The following KCNIP4 variants were observed in gnomAD, a reference collection of about 807,000 sequenced individuals.
KCNIP4 encodes the protein potassium voltage-gated channel interacting protein 4.
KCNIP4 carries 12 observed loss-of-function variants against 34.0 expected under a neutral mutation model. That is an observed-to-expected ratio of 0.35 (90% confidence interval 0.23 to 0.57). The LOEUF is 0.57. Among genes scored for constraint, KCNIP4 ranks in the 20% least tolerant of loss-of-function variants. The pLI is 0.83. For missense variants in KCNIP4, 238 were observed against 311.7 expected (o/e 0.76, Z 1.78); for synonymous variants, 124 against 102.2 (o/e 1.21, Z -1.29).
chr4:21,724,678 C>A (rs1304295168), intron 1 of KCNIP4, among the ~76,000 whole-genome samples: 1 of 151,820 alleles, frequency 6.6e-6, no homozygotes, highest in African/African-American at 2.4e-5. Flanking sequence ...TTGGATTTCA[C>A]ATATAATTTT....
chr4:21,540,414 T>C lies in KCNIP4; in HGVS notation c.61+408157A>G, dbSNP rs545417775. Among the ~76,000 whole-genome samples the C allele has an allele frequency of 1.3e-4, 20 of 152,218 alleles. 1 individual carries two copies. Among genetic ancestry groups the C allele is most frequent in the African/African-American group, 4.8e-4 (20 of 41,544 alleles). ...TTCTAACAGTGAGCCACAGCTAAAA[T>C]TGTGAGCATGGGTACTTCAGCATGA... On this transcript the variant is annotated intron_variant, in intron 1 of 8. Coordinates refer to ENST00000382152, the MANE Select transcript of KCNIP4 (RefSeq NM_025221.6).
intron 1 of KCNIP4, among the ~76,000 whole-genome samples, chr4:21,389,269 C>G (rs1259697529): frequency 6.6e-6 from 1 of 152,048 alleles, no homozygotes. Context: ...GTGTGAGCCA[C>G]TGCACCCAGC....
intron 1 of KCNIP4, among the ~76,000 whole-genome samples, chr4:21,121,341 T>C (rs1560741010): frequency 6.6e-6 from 1 of 152,232 alleles, no homozygotes; most frequent in Non-Finnish European, 1.5e-5. Flanking sequence ...TATTAAATCC[T>C]GGTTTTCTTG....
At chr4:21,462,765 TTGTGTGTGTG>T (rs57124779) in intron 1 of KCNIP4, among the ~76,000 whole-genome samples, 14,771 of 145,702 alleles carry the variant, frequency 0.1, 815 homozygotes, top group African/African-American at 0.14. Context: ...TAGTATTCCA[TTGTGTGTGTG>T]TGTGTGTGTG....
chr4:20,864,073 T>C (rs111653207), intron 2 of KCNIP4, among the ~76,000 whole-genome samples: 5,463 of 137,368 alleles, frequency 0.04, 268 homozygotes, highest in Non-Finnish European at 0.06. Flanking sequence ...TATGTATACG[T>C]ATGTATGTAT....
chr4:20,803,727 G>GAGAGGA (rs1553898990), intron 3 of KCNIP4, among the ~76,000 whole-genome samples: 97 of 91,474 alleles, frequency 1.1e-3, no homozygotes, highest in African/African-American at 3.1e-3. Context: ...GAGAGAGAGA[G>GAGAGGA]AGGAAGGAAG....
At chr4:20,997,209 C>A (rs1737634552) in intron 1 of KCNIP4, among the ~76,000 whole-genome samples, 1 of 152,036 alleles carries the variant, frequency 6.6e-6, no homozygotes, top group African/African-American at 2.4e-5. Context: ...ATAAAAGCAA[C>A]CACAACCATG....
chr4:21,483,549 G>A (rs960245348), intron 1 of KCNIP4, among the ~76,000 whole-genome samples: 1 of 152,036 alleles, frequency 6.6e-6, no homozygotes, highest in East Asian at 1.9e-4. Context: ...CAGCACTTTG[G>A]GAGGCTGAAG....
chr4:21,677,618 A>G (rs897069980), intron 1 of KCNIP4, among the ~76,000 whole-genome samples: 1 of 152,146 alleles, frequency 6.6e-6, no homozygotes, highest in African/African-American at 2.4e-5. Flanking sequence ...TATGCATGCC[A>G]ATGCCATGAC....
At chr4:20,935,157 C>T (rs1372022769) in intron 1 of KCNIP4, among the ~76,000 whole-genome samples, 1 of 152,062 alleles carries the variant, frequency 6.6e-6, no homozygotes, top group Non-Finnish European at 1.5e-5. Context: ...GACTCTATTT[C>T]CAAAAAAGGT....
intron 3 of KCNIP4, among the ~76,000 whole-genome samples, chr4:20,831,195 T>C (rs1429013542): frequency 7.2e-6 from 1 of 138,654 alleles, no homozygotes; most frequent in African/African-American, 2.7e-5. Context: ...CTAGCACATA[T>C]AATCATCTGT....
intron 1 of KCNIP4, among the ~76,000 whole-genome samples, chr4:21,673,356 G>A (rs993960880): frequency 1.3e-5 from 2 of 152,046 alleles, no homozygotes; most frequent in Non-Finnish European, 2.9e-5. Flanking sequence ...AGTTGATCAG[G>A]ATATACTGTC....
chr4:21,476,110 C>A (rs1478426219), intron 1 of KCNIP4, among the ~76,000 whole-genome samples: 1 of 152,136 alleles, frequency 6.6e-6, no homozygotes, highest in African/African-American at 2.4e-5. Flanking sequence ...AGCTCAGAAG[C>A]AAAAGGAAGG....
intron 1 of KCNIP4, among the ~76,000 whole-genome samples, chr4:21,151,475 C>T (rs1752756963): frequency 7.9e-6 from 1 of 127,278 alleles, no homozygotes; most frequent in African/African-American, 3.1e-5. Context: ...TGAGTGCTAG[C>T]ATGGGTGAGA....
intron 1 of KCNIP4, among the ~76,000 whole-genome samples, chr4:21,362,624 C>T (rs1002408342): frequency 6.6e-6 from 1 of 152,092 alleles, no homozygotes; most frequent in Non-Finnish European, 1.5e-5. Context: ...AACTCCCCTT[C>T]CCAAAGTAAA....
At chr4:21,400,938 A>G (rs1192210143) in intron 1 of KCNIP4, among the ~76,000 whole-genome samples, 1 of 152,054 alleles carries the variant, frequency 6.6e-6, no homozygotes, top group Non-Finnish European at 1.5e-5. Flanking sequence ...AAGTGGGAGG[A>G]TCACTTGAGG....
At chr4:21,088,263 T>C (rs6448012) in intron 1 of KCNIP4, among the ~76,000 whole-genome samples, 77,550 of 151,906 alleles carry the variant, frequency 0.51, 21,451 homozygotes, top group African/African-American at 0.74. Flanking sequence ...TGAGGCGTCT[T>C]GTGGGAGGTA....
intron 5 of KCNIP4, among the ~76,000 whole-genome samples, chr4:20,747,993 A>G (rs1204437681): frequency 6.6e-6 from 1 of 152,152 alleles, no homozygotes; most frequent in Non-Finnish European, 1.5e-5. Context: ...AATTTGTTTC[A>G]TGCTTCACCT....
chr4:21,542,899 TA>T (rs1404042550), intron 1 of KCNIP4, among the ~76,000 whole-genome samples: 1 of 151,766 alleles, frequency 6.6e-6, no homozygotes, highest in African/African-American at 2.4e-5. Flanking sequence ...TAACATTTAT[TA>T]AAATAACAAA....
Sources: allele counts gnomAD v4.1 joint callset (sites outside exome capture counted in the v4.1 genomes callset), GRCh38; gene constraint gnomAD v4.1.1; transcripts MANE v1.5; gene names NCBI Gene and HGNC (gene_info 2026-07-23, HGNC 2026-07-21).